Variants in CA8 observed in about 807,000 individuals in gnomAD.
CA8 encodes carbonic anhydrase 8 (inactive).
CA8 carries 22 observed loss-of-function variants against 41.4 expected under a neutral mutation model. The observed-to-expected ratio is 0.53, with a 90% CI of 0.38 to 0.76. The LOEUF (loss-of-function observed/expected upper bound fraction) is 0.76, where lower values mean the gene tolerates loss of function less well. CA8 is among the 30% of genes least tolerant of loss of function. CA8 has a pLI of 0.00. For synonymous variants in CA8, 121 were observed against 130.6 expected (o/e 0.93, Z 0.50); for missense variants, 270 against 352.8 (o/e 0.77, Z 1.88).
At chr8:60,264,138 A>G (rs1217750345) in intron 3 of CA8, among the ~76,000 whole-genome samples, 1 of 152,210 alleles carries the variant, frequency 6.6e-6, no homozygotes, top group Non-Finnish European at 1.5e-5. Context: ...AAGTAACCAG[A>G]CCAGTCTGGA....
chr8:60,252,402 T>C (rs182822372), intron 3 of CA8, among the ~76,000 whole-genome samples: 2 of 152,360 alleles, frequency 1.3e-5, no homozygotes, highest in East Asian at 3.9e-4. Flanking sequence ...GGACTTTAAA[T>C]GGGGATAGAA....
At chr8:60,197,946 A>T (rs778144091) in intron 8 of CA8, among the ~76,000 whole-genome samples, 2 of 152,246 alleles carry the variant, frequency 1.3e-5, no homozygotes, top group Non-Finnish European at 2.9e-5. Context: ...TGCAAGCACA[A>T]ATTAGCATAA....
At chr8:60,274,194 G>A (rs1474573012) in intron 2 of CA8, among the ~76,000 whole-genome samples, 1 of 151,464 alleles carries the variant, frequency 6.6e-6, no homozygotes, top group African/African-American at 2.4e-5. Flanking sequence ...CACTGTATTT[G>A]CAGGGGGTAC....
chr8:60,238,905 G>A (rs572430623), intron 3 of CA8, among the ~76,000 whole-genome samples: 2 of 152,188 alleles, frequency 1.3e-5, no homozygotes, highest in East Asian at 3.9e-4. Context: ...CCTAGGCACT[G>A]ATGGGCATTT....
intron 6 of CA8, among the ~76,000 whole-genome samples, chr8:60,223,834 A>G (rs1270761875): frequency 1.3e-5 from 2 of 152,220 alleles, no homozygotes; most frequent in Non-Finnish European, 2.9e-5. Flanking sequence ...TTAAAACACT[A>G]AGGGACAGCA....
chr8:60,209,998 T>C (rs2130427434), intron 7 of CA8, among the ~76,000 whole-genome samples: 1 of 152,300 alleles, frequency 6.6e-6, no homozygotes, highest in Admixed American at 6.5e-5. Flanking sequence ...CATCTATCAA[T>C]TTAACTACAG....
At chr8:60,199,918 T>C (rs1001337052) in intron 8 of CA8, among the ~76,000 whole-genome samples, 3 of 152,190 alleles carry the variant, frequency 2.0e-5, no homozygotes, top group Admixed American at 2.0e-4. Flanking sequence ...AAAATATTTT[T>C]AAATAGCATG....
intron 1 of CA8, among the ~76,000 whole-genome samples, chr8:60,280,223 G>A (rs1458957362): frequency 6.6e-6 from 1 of 152,102 alleles, no homozygotes; most frequent in Non-Finnish European, 1.5e-5. Flanking sequence ...GTTCAATTAC[G>A]TTCAGTACCT....
rs549835642 is a variant in CA8 at position 60,212,319 on chromosome 8, C to T, written c.739-3400G>A. On this transcript the variant is annotated intron_variant, in intron 7 of 8. Coordinates refer to ENST00000317995, the MANE Select transcript of CA8 (RefSeq NM_004056.6). ...TAGGGCTACTTAACTTTCAGGAGTT[C>T]CCAAGTTCTAATAGATTTATTTTCA... 1.2e-4 allele frequency among the ~76,000 whole-genome samples: 19 copies of T among 152,320 alleles called. No homozygotes were observed. The South Asian group carries it at 3.9e-3, about 32-fold the overall frequency.
intron 8 of CA8, among the ~76,000 whole-genome samples, chr8:60,197,470 A>G (rs1389603582): frequency 6.6e-6 from 1 of 152,172 alleles, no homozygotes; most frequent in East Asian, 1.9e-4. Flanking sequence ...GCATTATCTC[A>G]TTGTTATCTT....
At chr8:60,246,518 G>A (rs559284412) in intron 3 of CA8, among the ~76,000 whole-genome samples, 3 of 151,958 alleles carry the variant, frequency 2.0e-5, no homozygotes, top group South Asian at 4.2e-4. Flanking sequence ...GGCTGGTCTC[G>A]AACTCCTGGC....
At chr8:60,258,701 G>C (rs1803633929) in intron 3 of CA8, among the ~76,000 whole-genome samples, 1 of 152,140 alleles carries the variant, frequency 6.6e-6, no homozygotes, top group East Asian at 1.9e-4. Flanking sequence ...TCCCATCTAG[G>C]GGTGATGGGA....
intron 3 of CA8, among the ~76,000 whole-genome samples, chr8:60,250,966 T>C (rs1446032260): frequency 6.6e-6 from 1 of 152,206 alleles, no homozygotes; most frequent in Non-Finnish European, 1.5e-5. Context: ...TATAAAACAG[T>C]TATATTTAAT....
chr8:60,220,089 C>G (rs1011566724), intron 7 of CA8, among the ~76,000 whole-genome samples: 2 of 152,102 alleles, frequency 1.3e-5, no homozygotes, highest in Admixed American at 6.5e-5. Flanking sequence ...ACGGAAACAT[C>G]TCCTTTGGGT....
chr8:60,226,809 G>C, intron 5 of CA8, 64 bp downstream of exon 5: 1 of 885,298 alleles, frequency 1.1e-6, no homozygotes, highest in South Asian at 1.4e-5. Flanking sequence ...CATCGAGCCC[G>C]CAGGTGGTCA....
At chr8:60,278,168 G>A (rs956411054) in intron 2 of CA8, among the ~76,000 whole-genome samples, 5 of 152,186 alleles carry the variant, frequency 3.3e-5, no homozygotes, top group African/African-American at 7.2e-5. Context: ...AGTTCAAATT[G>A]ATGAAGTAAA....
At chr8:60,220,286 A>C (rs1585867531) in intron 7 of CA8, among the ~76,000 whole-genome samples, 1 of 152,278 alleles carries the variant, frequency 6.6e-6, no homozygotes, top group African/African-American at 2.4e-5. Context: ...TGGAGGAGGA[A>C]TGGTATTGCA....
intron 8 of CA8, among the ~76,000 whole-genome samples, chr8:60,197,675 G>A (rs1170635979): frequency 6.6e-6 from 1 of 152,170 alleles, no homozygotes; most frequent in African/African-American, 2.4e-5. Context: ...CTATCACTAA[G>A]AGGAGAGTTT....
At chr8:60,263,368 A>G (rs1803796292) in intron 3 of CA8, among the ~76,000 whole-genome samples, 1 of 151,956 alleles carries the variant, frequency 6.6e-6, no homozygotes, top group South Asian at 2.1e-4. Context: ...CATGTAACAG[A>G]CAGAGTAAGT....
Sources: allele counts gnomAD v4.1 joint callset (sites outside exome capture counted in the v4.1 genomes callset), GRCh38; gene constraint gnomAD v4.1.1; transcripts MANE v1.5; gene names NCBI Gene and HGNC (gene_info 2026-07-23, HGNC 2026-07-21).